MACROD2: variants seen among roughly 807,000 people sequenced by gnomAD.
MACROD2 encodes the protein mono-ADP ribosylhydrolase 2, also known as ADP-ribose glycohydrolase MACROD2.
A neutral mutation model predicts 70.4 loss-of-function variants in MACROD2; 36 were observed. The observed-to-expected ratio is 0.51, with a 90% CI of 0.39 to 0.68. MACROD2 has a LOEUF of 0.68. Among genes scored for constraint, MACROD2 ranks in the 30% least tolerant of loss-of-function variants. The probability of loss-of-function intolerance (pLI) is 0.00; values close to 1 mark genes in which losing one functional copy is unlikely to be tolerated. For synonymous variants in MACROD2, 172 were observed against 178.8 expected, an observed-to-expected ratio of 0.96 and a Z score of 0.30; for missense variants, 496 against 538.4, an observed-to-expected ratio of 0.92 and a Z score of 0.78.
rs558457756 is a variant in MACROD2 at position 14,779,538 on chromosome 20, C to A, written c.418+94579C>A. 1.1e-4 allele frequency among the ~76,000 whole-genome samples: 16 copies of A among 152,216 alleles called. No individual in the cohort carries two copies. The South Asian group carries it at 3.3e-3, about 32-fold the overall frequency. On this transcript the variant is annotated intron_variant, in intron 5 of 17. Coordinates refer to ENST00000684519, the MANE Select transcript of MACROD2 (RefSeq NM_001351661.2). ...CAGTCAGCAGGTCATAATGACTCTA[C>A]CGCTTTCTATTATTCAAAATGGAAT...
intron 15 of MACROD2, among the ~76,000 whole-genome samples, chr20:16,014,355 T>C (rs1403126675): frequency 1.3e-5 from 2 of 152,230 alleles, no homozygotes; most frequent in African/African-American, 4.8e-5. Flanking sequence ...CTGCAGTGTA[T>C]ATTCTCCGGT....
chr20:14,231,384 C>T (rs1011131189), intron 3 of MACROD2, among the ~76,000 whole-genome samples: 2 of 151,770 alleles, frequency 1.3e-5, no homozygotes, highest in South Asian at 2.1e-4. Context: ...TGAGAATGTG[C>T]GGTGTTTGGT....
chr20:14,247,198 T>C (rs574025088), intron 3 of MACROD2, among the ~76,000 whole-genome samples: 4 of 152,294 alleles, frequency 2.6e-5, no homozygotes, highest in African/African-American at 9.6e-5. Context: ...ATCTACAGGA[T>C]TGAAGTAATA....
At chr20:14,995,635 T>C (rs978746352) in intron 5 of MACROD2, among the ~76,000 whole-genome samples, 7 of 152,166 alleles carry the variant, frequency 4.6e-5, no homozygotes, top group African/African-American at 1.7e-4. Flanking sequence ...ATATACAGTG[T>C]CATACGCTGT....
At chr20:14,257,569 T>C (rs1461144065) in intron 3 of MACROD2, among the ~76,000 whole-genome samples, 4 of 152,292 alleles carry the variant, frequency 2.6e-5, no homozygotes, top group African/African-American at 9.6e-5. Context: ...TTATTTTCTG[T>C]TAAGATTACT....
intron 3 of MACROD2, among the ~76,000 whole-genome samples, chr20:14,180,874 T>G (rs1027246913): frequency 4.6e-5 from 7 of 152,208 alleles, no homozygotes; most frequent in African/African-American, 1.7e-4. Context: ...TATTTTAAAG[T>G]TATTTTTTAT....
At chr20:14,577,568 C>G (rs1010135658) in intron 4 of MACROD2, among the ~76,000 whole-genome samples, 2 of 151,962 alleles carry the variant, frequency 1.3e-5, no homozygotes, top group African/African-American at 4.8e-5. Context: ...TTGTTTGAGG[C>G]TAGGAGTTTG....
intron 3 of MACROD2, among the ~76,000 whole-genome samples, chr20:14,198,816 T>C (rs992890177): frequency 1.3e-5 from 2 of 152,224 alleles, no homozygotes; most frequent in Admixed American, 6.5e-5. Context: ...GTACCCTTTG[T>C]ATTACCTTTG....
At chr20:15,474,300 T>A (rs1451831291) in intron 7 of MACROD2, among the ~76,000 whole-genome samples, 1 of 152,214 alleles carries the variant, frequency 6.6e-6, no homozygotes, top group Non-Finnish European at 1.5e-5. Flanking sequence ...GGATGTTTAT[T>A]TTTTTGTTGG....
At chr20:14,277,436 C>T (rs760972647) in intron 3 of MACROD2, among the ~76,000 whole-genome samples, 6 of 152,060 alleles carry the variant, frequency 3.9e-5, no homozygotes, top group East Asian at 1.9e-4. Context: ...AGTGAGACTC[C>T]GTCTCAAAGC....
chr20:15,411,926 A>C (rs1283299830), intron 6 of MACROD2, among the ~76,000 whole-genome samples: 3 of 152,162 alleles, frequency 2.0e-5, no homozygotes, highest in African/African-American at 7.2e-5. Flanking sequence ...TGGGTGTTGG[A>C]TGGAAGTGCC....
chr20:15,947,395 G>A (rs1350582952), intron 12 of MACROD2, among the ~76,000 whole-genome samples: 3 of 151,948 alleles, frequency 2.0e-5, no homozygotes, highest in Non-Finnish European at 4.4e-5. Context: ...CTGGTTTATT[G>A]AGACTGGAGA....
Position 14,823,156 on chromosome 20 carries a change from C to A in MACROD2, c.418+138197C>A, listed in dbSNP as rs538344778. The stretch of plus-strand genomic sequence containing the variant: ...ACAAATTATAACAAAAAGCTGTGGA[C>A]TCTTATGGGATTCTAGGTCGTGTAT... On this transcript the variant is annotated intron_variant, in intron 5 of 17. Transcript: ENST00000684519. Among the ~76,000 whole-genome samples the A allele has an allele frequency of 8.0e-4, 122 of 152,114 alleles. 1 individual carries two copies. The highest frequency in any genetic ancestry group is 2.6e-3 in the African/African-American group (110 of 41,528).
At chr20:14,500,242 G>T (rs1165380016) in intron 4 of MACROD2, among the ~76,000 whole-genome samples, 3 of 152,242 alleles carry the variant, frequency 2.0e-5, no homozygotes, top group African/African-American at 7.2e-5. Context: ...GGAGTGAAAA[G>T]TGTTAGGGCA....
intron 10 of MACROD2, among the ~76,000 whole-genome samples, chr20:15,892,424 C>G (rs2064903738): frequency 6.6e-6 from 1 of 152,176 alleles, no homozygotes; most frequent in Admixed American, 6.5e-5. Flanking sequence ...AGTAATTTAA[C>G]TGGGACATAC....
At chr20:15,826,507 G>A (rs60605413) in intron 8 of MACROD2, among the ~76,000 whole-genome samples, 28,114 of 152,034 alleles carry the variant, frequency 0.18, 2,655 homozygotes, top group East Asian at 0.23. Context: ...TTAACTCAAA[G>A]CTTTTTTTAA....
intron 3 of MACROD2, chr20:14,325,878 G>A (rs2082725137): frequency 1.9e-6 from 3 of 1,613,910 alleles, no homozygotes; most frequent in Non-Finnish European, 2.5e-6. Flanking sequence ...AAGCAAGAAG[G>A]GCAATGGTAA....
At chr20:15,819,315 T>TTA (rs1179573777) in intron 8 of MACROD2, among the ~76,000 whole-genome samples, 2 of 136,488 alleles carry the variant, frequency 1.5e-5, no homozygotes, top group African/African-American at 5.8e-5. Context: ...ATATATATAC[T>TTA]TATATATAAA....
chr20:15,936,496 C>CTA (rs1159390307), intron 11 of MACROD2, among the ~76,000 whole-genome samples: 2 of 147,482 alleles, frequency 1.4e-5, no homozygotes, highest in East Asian at 2.0e-4. Flanking sequence ...TACATATGAA[C>CTA]TATATATATA....
Sources: allele counts gnomAD v4.1 joint callset (sites outside exome capture counted in the v4.1 genomes callset), GRCh38; gene constraint gnomAD v4.1.1; transcripts MANE v1.5; gene names NCBI Gene and HGNC (gene_info 2026-07-23, HGNC 2026-07-21).